The following GSE1 variants were observed in gnomAD, a reference collection of about 807,000 sequenced individuals.
The protein encoded by GSE1 is Gse1 coiled-coil protein, also known as genetic suppressor element 1.
A neutral mutation model predicts 112.6 loss-of-function variants in GSE1; 32 were observed. The observed-to-expected ratio is 0.28, with a 90% confidence interval of 0.21 to 0.38. The LOEUF is 0.38. Ranked by LOEUF, GSE1 falls within the 10% of genes least tolerant of loss-of-function variation. GSE1 has a pLI of 1.00. For synonymous variants in GSE1, 1,115 were observed against 735.6 expected, an observed-to-expected ratio of 1.52 and a Z score of -8.35; for missense variants, 2,348 against 1,699.2, an observed-to-expected ratio of 1.38 and a Z score of -6.71.
chr16:85,280,084 C>T (rs773639009), intron 1 of GSE1, among the ~76,000 whole-genome samples: 4 of 152,228 alleles, frequency 2.6e-5, no homozygotes, highest in Admixed American at 6.5e-5. Flanking sequence ...ACACGCCCAG[C>T]GCTCGGAAGG....
rs1019315455 is a variant in GSE1, at chr16:85,668,520, G to C, written c.3415+96G>C. 6.0e-6 allele frequency: 5 copies of C among 830,572 alleles called. No homozygotes were observed. The African/African-American group carries it at 8.5e-5, about 14-fold the overall frequency. 51.5% of individuals were successfully genotyped at this position (830,572 alleles called of 1,614,324 possible). On this transcript the variant is annotated intron_variant, in intron 14 of 15. Coordinates refer to ENST00000253458, the MANE Select transcript of GSE1 (RefSeq NM_014615.5). ...GTTCATGCAGACCTCTGCCAGCCTG[G>C]GGACTGTTTCTCCGTCCTGGGGCAC...
intron 1 of GSE1, among the ~76,000 whole-genome samples, chr16:85,579,589 GGCCTGGGGGATTCCCCAGACCTAC>G (rs2046366198): frequency 6.6e-6 from 1 of 152,180 alleles, no homozygotes; most frequent in African/African-American, 2.4e-5. Flanking sequence ...GATCCTGAGG[GGCCTGGGGGATTCCCCAGACCTAC>G]GCCTGGGAGA....
chr16:85,640,759 A>G (rs2050375615), intron 2 of GSE1, among the ~76,000 whole-genome samples: 1 of 152,262 alleles, frequency 6.6e-6, no homozygotes, highest in African/African-American at 2.4e-5. Context: ...ACACGGAGGA[A>G]GGATCCCGCC....
intron 2 of GSE1, among the ~76,000 whole-genome samples, chr16:85,499,245 A>T (rs1177237274): frequency 6.7e-6 from 1 of 149,520 alleles, no homozygotes; most frequent in African/African-American, 2.4e-5. Context: ...CCAGATGGGC[A>T]TCAGCGAGAG....
At chr16:85,600,044 C>G (rs1474686350) in intron 1 of GSE1, among the ~76,000 whole-genome samples, 1 of 152,232 alleles carries the variant, frequency 6.6e-6, no homozygotes, top group Non-Finnish European at 1.5e-5. Flanking sequence ...GGCTACCCCT[C>G]TGGGTCTCTG....
At chr16:85,522,794 G>T (rs1437558264) in intron 2 of GSE1, among the ~76,000 whole-genome samples, 4 of 152,050 alleles carry the variant, frequency 2.6e-5, no homozygotes, top group Non-Finnish European at 4.4e-5. Context: ...CATGTGTTGG[G>T]TGTGAATGTG....
In GSE1 at chr16:85,258,993, C is replaced by G. The variant is rs372559544; in HGVS notation, c.2283+87186C>G. On this transcript the variant is annotated intron_variant, in intron 1 of 2. Coordinates refer to the GSE1 transcript ENST00000637419. Reference sequence around the variant, plus strand: ...GGGCTGAGCTTCTGGGAGGCTTCTTCTGGGAGGCCCCCAGGAGCTGCCAGG... The same window carrying G: ...GGGCTGAGCTTCTGGGAGGCTTCTTGTGGGAGGCCCCCAGGAGCTGCCAGG... Among the ~76,000 whole-genome samples the G allele has an allele frequency of 2.0e-5, 3 of 152,318 alleles. No homozygotes were observed. In the South Asian group the frequency reaches 6.2e-4, roughly 32 times the overall value.
chr16:85,516,085 A>G (rs1182658745), intron 2 of GSE1, among the ~76,000 whole-genome samples: 1 of 152,182 alleles, frequency 6.6e-6, no homozygotes, highest in Non-Finnish European at 1.5e-5. Context: ...TCTTCACTCC[A>G]GTCTTCCCTC....
At chr16:85,641,025 G>A (rs959017895) in intron 2 of GSE1, among the ~76,000 whole-genome samples, 1 of 152,244 alleles carries the variant, frequency 6.6e-6, no homozygotes, top group African/African-American at 2.4e-5. Flanking sequence ...TGGGCAGGGT[G>A]GAGGAGCCCA....
chr16:85,605,975 C>G (rs1432550334), intron 1 of GSE1, among the ~76,000 whole-genome samples: 1 of 152,108 alleles, frequency 6.6e-6, no homozygotes, highest in Non-Finnish European at 1.5e-5. Context: ...TGAACTGGAC[C>G]TGTTTCTGCC....
intron 2 of GSE1, among the ~76,000 whole-genome samples, chr16:85,523,733 C>CTT (rs1287012107): frequency 6.6e-6 from 1 of 152,234 alleles, no homozygotes; most frequent in African/African-American, 2.4e-5. Flanking sequence ...CTGGGAGACA[C>CTT]TGAGAGTCTT....
intron 2 of GSE1, 30 bp from the exon 3 acceptor site, chr16:85,648,522 C>T (rs557663790): frequency 2.3e-6 from 3 of 1,287,826 alleles, no homozygotes; most frequent in South Asian, 1.5e-5. Flanking sequence ...ACTGCGGCTC[C>T]CACTCAGGCC....
chr16:85,310,830 C>T (rs954275476), intron 1 of GSE1, among the ~76,000 whole-genome samples: 1 of 151,996 alleles, frequency 6.6e-6, no homozygotes, highest in Non-Finnish European at 1.5e-5. Context: ...AACACCCACC[C>T]GGGGTCCAGC....
chr16:85,604,768 A>T (rs1341673244), intron 1 of GSE1, among the ~76,000 whole-genome samples: 4 of 3,564 alleles, frequency 1.1e-3, no homozygotes, highest in East Asian at 5.7e-3. Context: ...AAAAAAAAAA[A>T]AAAAAAATAT....
chr16:85,532,362 G>A (rs1177047590), intron 2 of GSE1, among the ~76,000 whole-genome samples: 1 of 152,190 alleles, frequency 6.6e-6, no homozygotes, highest in Non-Finnish European at 1.5e-5. Flanking sequence ...CCGGGCTCAA[G>A]CAATCCTCCT....
At chr16:85,338,710 C>T (rs918722268) in intron 1 of GSE1, among the ~76,000 whole-genome samples, 3 of 152,166 alleles carry the variant, frequency 2.0e-5, no homozygotes, top group Admixed American at 2.0e-4. Flanking sequence ...TTTTTTCCCC[C>T]TGTGAGGTAG....
At chr16:85,584,787 A>G (rs77564316) in intron 1 of GSE1, among the ~76,000 whole-genome samples, 3,630 of 152,314 alleles carry the variant, frequency 0.024, 156 homozygotes, top group African/African-American at 0.084. Flanking sequence ...TCTGGCCGGA[A>G]AAGTTGGTGG....
At chr16:85,170,872 G>A (rs918032360) in exon 1 of GSE1, 154 of 985,426 alleles carry the variant, frequency 1.6e-4, no homozygotes, top group Non-Finnish European at 1.8e-4. Context: ...ACTCTATGTG[G>A]TGCCCCTGGA....
rs748320488 is a variant in GSE1 at position 85,656,472 on chromosome 16, G to GGAGCGT, written c.1129_1134dup (p.Arg377_Glu378dup). On this transcript the variant is annotated inframe_insertion, in exon 7 of 16. Coordinates refer to ENST00000253458, the MANE Select transcript of GSE1 (RefSeq NM_014615.5). Reference sequence around the variant, plus strand: ...GCGAGAAGGAGCGCGAGCAAGAGAAGGAGCGTGAGCGTGAGAAGGAGCGCG... The same window carrying GGAGCGT: ...GCGAGAAGGAGCGCGAGCAAGAGAAGGAGCGTGAGCGTGAGCGTGAGAAGGAGCGCG... 28 of 1,543,786 alleles carry GGAGCGT rather than the reference G, an allele frequency of 1.8e-5. No individual in the cohort carries two copies. Among genetic ancestry groups the GGAGCGT allele is most frequent in the Middle Eastern group, 1.7e-4 (1 of 5,836 alleles).
Sources: gnomAD v4.1 joint callset for allele counts (sites outside exome capture counted in the v4.1 genomes callset) on GRCh38, gnomAD v4.1.1 for gene constraint, MANE v1.5 for transcripts, NCBI Gene and HGNC (gene_info 2026-07-23, HGNC 2026-07-21) for gene names.